TENM4: variants seen among roughly 807,000 people sequenced by gnomAD.
TENM4 encodes the protein teneurin transmembrane protein 4, also known as teneurin-4.
In TENM4, 82 loss-of-function variants were observed where a neutral mutation model predicts 243.3. The observed-to-expected ratio is 0.34, with a 90% CI of 0.28 to 0.40. The LOEUF is 0.40. Among genes scored for constraint, TENM4 ranks in the 10% least tolerant of loss-of-function variants. TENM4 has a pLI of 1.00. For missense variants in TENM4, 3,138 were observed against 3,673.3 expected, an observed-to-expected ratio of 0.85 and a Z score of 3.77; for synonymous variants, 1,412 against 1,456.3, an observed-to-expected ratio of 0.97 and a Z score of 0.69.
chr11:79,143,960 G>A (rs912345320), intron 4 of TENM4, among the ~76,000 whole-genome samples: 1 of 151,906 alleles, frequency 6.6e-6, no homozygotes, highest in Admixed American at 6.6e-5. Context: ...ATCACATCAA[G>A]TTGAAAAGCC....
chr11:78,928,851 C>A (rs529361594), intron 6 of TENM4, among the ~76,000 whole-genome samples: 3 of 152,248 alleles, frequency 2.0e-5, no homozygotes, highest in African/African-American at 7.2e-5. Context: ...TCACTTTTCT[C>A]ATCTGTAAAA....
At chr11:78,940,440 GTGA>G (rs1010032032) in intron 6 of TENM4, among the ~76,000 whole-genome samples, 1 of 152,210 alleles carries the variant, frequency 6.6e-6, no homozygotes, top group African/African-American at 2.4e-5. Flanking sequence ...CCACTTAGGA[GTGA>G]TGATGGTCTG....
chr11:79,108,820 C>G (rs563663702), intron 4 of TENM4, among the ~76,000 whole-genome samples: 2 of 152,202 alleles, frequency 1.3e-5, no homozygotes, highest in African/African-American at 4.8e-5. Context: ...GACCTGGAAA[C>G]GGTGGAAAAT....
chr11:78,696,405 C>T (rs1275599091), intron 28 of TENM4, among the ~76,000 whole-genome samples: 1 of 152,100 alleles, frequency 6.6e-6, no homozygotes, highest in Non-Finnish European at 1.5e-5. Context: ...CTTTGCCTCT[C>T]GGGAATGTGT....
chr11:79,412,831 C>T (rs1401947821), intron 1 of TENM4, among the ~76,000 whole-genome samples: 1 of 152,178 alleles, frequency 6.6e-6, no homozygotes, highest in Non-Finnish European at 1.5e-5. Flanking sequence ...TGTCTTACAA[C>T]TCTGGATCAC....
chr11:78,927,122 G>A (rs1015800539), intron 6 of TENM4, among the ~76,000 whole-genome samples: 2 of 152,168 alleles, frequency 1.3e-5, no homozygotes, highest in Non-Finnish European at 2.9e-5. Context: ...GGATTATTTT[G>A]CTGTATGTTT....
chr11:78,714,071 C>T (rs1859465293), intron 25 of TENM4, among the ~76,000 whole-genome samples: 1 of 152,150 alleles, frequency 6.6e-6, no homozygotes, highest in Non-Finnish European at 1.5e-5. Flanking sequence ...TGCTAAGAGA[C>T]TCGGGACAGA....
At chr11:79,377,901 C>T (rs749537131) in intron 1 of TENM4, among the ~76,000 whole-genome samples, 4 of 152,190 alleles carry the variant, frequency 2.6e-5, no homozygotes, top group Non-Finnish European at 5.9e-5. Context: ...TTTTACTCTG[C>T]CAAGGGCACC....
chr11:79,079,460 G>C (rs1860611200), intron 4 of TENM4, among the ~76,000 whole-genome samples: 1 of 152,188 alleles, frequency 6.6e-6, no homozygotes. Context: ...GATTCCTTTG[G>C]TCTACATCCT....
At position 78,903,647 on chromosome 11, in the gene TENM4, A is replaced by G. The variant is rs964775424; in HGVS notation, c.494-124T>C. 5.0e-6 allele frequency: 7 copies of G among 1,393,506 alleles called. No individual in the cohort carries two copies. The African/African-American group carries it at 1.0e-4, about 20-fold the overall frequency. The allele number at this position is 1,393,506 out of a possible 1,614,324, so 86.3% of individuals were successfully genotyped here. On this transcript the variant is annotated intron_variant, in intron 6 of 33. Transcript: ENST00000278550. The stretch of plus-strand genomic sequence containing the variant: ...GCCGGCAGATTATACATATTGATGC[A>G]GTCAATCAGTAATTACACGACAGTT...
chr11:78,779,977 C>T (rs1035945492), intron 16 of TENM4, among the ~76,000 whole-genome samples: 2 of 152,152 alleles, frequency 1.3e-5, no homozygotes, highest in Non-Finnish European at 2.9e-5. Context: ...TCCGTGTGGT[C>T]TCTGGTTCAA....
Position 79,414,151 on chromosome 11 carries a change from C to A in TENM4, c.-321+26358G>T, listed in dbSNP as rs527790870. Among the ~76,000 whole-genome samples the A allele has an allele frequency of 3.0e-3, 282 of 95,038 alleles. 2 individuals are homozygous for A. Among genetic ancestry groups the A allele is most frequent in the African/African-American group, 0.011 (261 of 23,660 alleles). 62.3% of individuals were successfully genotyped at this position (95,038 alleles called of 152,430 possible). A position where few individuals can be genotyped will look rare whatever the true frequency, so the allele number is the denominator to read the frequency against. On this transcript the variant is annotated intron_variant, in intron 1 of 33. Transcript: ENST00000278550. The stretch of plus-strand genomic sequence containing the variant: ...ACACACACATGAACACATATACACA[C>A]ATGTGTACACACACACACACACACA...
intron 3 of TENM4, among the ~76,000 whole-genome samples, chr11:79,199,063 G>C (rs1863690603): frequency 6.6e-6 from 1 of 152,166 alleles, no homozygotes; most frequent in African/African-American, 2.4e-5. Context: ...GGAGCAAAGA[G>C]AGGGGGAAGA....
At chr11:79,052,630 T>C (rs57215110) in intron 6 of TENM4, among the ~76,000 whole-genome samples, 1,795 of 152,184 alleles carry the variant, frequency 0.012, 39 homozygotes, top group African/African-American at 0.042. Flanking sequence ...GCAGGGGGGA[T>C]GTGGCGAGGG....
In TENM4 at chr11:78,821,120, G is replaced by A. The variant is rs562828712; in HGVS notation, c.1682-6725C>T. On this transcript the variant is annotated intron_variant, in intron 12 of 33. Coordinates refer to ENST00000278550, the MANE Select transcript of TENM4 (RefSeq NM_001098816.3). Reference sequence around the variant, plus strand: ...TGCCAACATTTGAATTGGAAGATCTGTTTTCAGTCATATCCAGAAGTCCAC... The same window carrying A: ...TGCCAACATTTGAATTGGAAGATCTATTTTCAGTCATATCCAGAAGTCCAC... Among the ~76,000 whole-genome samples, 4 of 152,354 alleles carry A rather than the reference G, an allele frequency of 2.6e-5. No individual in the cohort carries two copies. The South Asian group carries it at 8.3e-4, about 32-fold the overall frequency.
At chr11:78,912,341 G>A (rs566794022) in intron 6 of TENM4, among the ~76,000 whole-genome samples, 6 of 152,260 alleles carry the variant, frequency 3.9e-5, no homozygotes, top group African/African-American at 1.2e-4. Flanking sequence ...TGCAACCTCC[G>A]TCTCATGGGT....
At chr11:79,255,776 G>A (rs1449569595) in intron 2 of TENM4, among the ~76,000 whole-genome samples, 1 of 152,140 alleles carries the variant, frequency 6.6e-6, no homozygotes, top group Non-Finnish European at 1.5e-5. Context: ...ACACAATCTT[G>A]TTAAGACTCT....
chr11:78,811,573 C>CACACAT (rs200260587), intron 14 of TENM4, among the ~76,000 whole-genome samples: 903 of 67,704 alleles, frequency 0.013, 10 homozygotes, highest in Middle Eastern at 0.047. Flanking sequence ...CACATGAACA[C>CACACAT]ACACACACAC....
rs191358893 is a variant in TENM4 at position 79,084,874 on chromosome 11, A to C, written c.-65-14865T>G. 2.0e-3 allele frequency among the ~76,000 whole-genome samples: 304 copies of C among 152,318 alleles called. 5 individuals are homozygous for C. Among genetic ancestry groups the C allele is most frequent in the Admixed American group, 0.018 (278 of 15,292 alleles). ...TGCATGCACACACACTCATTCAGAT[A>C]AATGCAAGTAAAATGGGGAATCTGA... is the stretch of plus-strand genomic sequence containing the variant. On this transcript the variant is annotated intron_variant, in intron 4 of 33. Coordinates refer to ENST00000278550, the MANE Select transcript of TENM4 (RefSeq NM_001098816.3).
Sources: gnomAD v4.1 joint callset for allele counts (sites outside exome capture counted in the v4.1 genomes callset) on GRCh38, gnomAD v4.1.1 for gene constraint, MANE v1.5 for transcripts, NCBI Gene and HGNC (gene_info 2026-07-23, HGNC 2026-07-21) for gene names.